TTC27: variants seen among roughly 807,000 people sequenced by gnomAD.
The protein encoded by TTC27 is tetratricopeptide repeat protein 27.
Under a neutral mutation model 115.9 loss-of-function variants are expected in TTC27, and 79 were observed. The ratio of observed to expected loss-of-function variants is 0.68; its 90% confidence interval spans 0.57 to 0.82. The LOEUF is 0.82. Among genes scored for constraint, TTC27 ranks in the 40% least tolerant of loss-of-function variants. TTC27 has a pLI of 0.00. For synonymous variants in TTC27, 401 were observed against 356.0 expected, an observed-to-expected ratio of 1.13 and a Z score of -1.42; for missense variants, 1,054 against 993.1, an observed-to-expected ratio of 1.06 and a Z score of -0.82.
chr2:32,742,364 A>G (rs1668674556), intron 12 of TTC27, among the ~76,000 whole-genome samples: 1 of 152,258 alleles, frequency 6.6e-6, no homozygotes, highest in Admixed American at 6.5e-5. Flanking sequence ...CAACTAATTG[A>G]ATAATAAAGC....
rs1558336534 is a variant in TTC27 at position 32,773,235 on chromosome 2, AC to A, written c.1681-4646del. The stretch of plus-strand genomic sequence containing the variant: ...GGCTGCATACAGCCAGCTTGCCTTC[AC>A]GATTTGCCCTGGAAATAAGCTCTGC... On this transcript the variant is annotated intron_variant, in intron 13 of 19. Coordinates refer to ENST00000317907, the MANE Select transcript of TTC27 (RefSeq NM_017735.5). Among the ~76,000 whole-genome samples, 30 of 152,316 alleles carry A rather than the reference AC, an allele frequency of 2.0e-4. 1 individual carries two copies. In the South Asian group the frequency reaches 6.2e-3, roughly 32 times the overall value.
chr2:32,776,209 T>C (rs1192678051), intron 13 of TTC27, among the ~76,000 whole-genome samples: 1 of 152,198 alleles, frequency 6.6e-6, no homozygotes, highest in Non-Finnish European at 1.5e-5. Flanking sequence ...TGTGAATTCA[T>C]GGCAAAGCGT....
intron 10 of TTC27, among the ~76,000 whole-genome samples, chr2:32,722,428 C>G (rs1667962131): frequency 6.6e-6 from 1 of 152,176 alleles, no homozygotes; most frequent in African/African-American, 2.4e-5. Flanking sequence ...ATTTAATTAA[C>G]TGTGTATTGT....
intron 13 of TTC27, among the ~76,000 whole-genome samples, chr2:32,760,535 A>G (rs541027200): frequency 1.2e-3 from 184 of 152,250 alleles, no homozygotes; most frequent in African/African-American, 4.3e-3. Context: ...CACTAGTGCC[A>G]TGGTTGAGAA....
rs576224251 is a variant in TTC27 at position 32,748,757 on chromosome 2, G to A, written c.1453-9535G>A. Among the ~76,000 whole-genome samples the A allele has an allele frequency of 1.3e-4, 20 of 148,878 alleles. No individual in the cohort carries two copies. The South Asian group carries it at 1.9e-3, about 14-fold the overall frequency. Reference sequence around the variant, plus strand: ...GGCTGGAGTGCAGTGGCGTGATCTCGGCTCACTGCAGCCTCTGCCTCCCAG... The same window carrying A: ...GGCTGGAGTGCAGTGGCGTGATCTCAGCTCACTGCAGCCTCTGCCTCCCAG... On this transcript the variant is annotated intron_variant, in intron 12 of 19. Transcript: ENST00000317907.
intron 16 of TTC27, among the ~76,000 whole-genome samples, chr2:32,795,219 T>G (rs1442977635): frequency 6.6e-6 from 1 of 151,672 alleles, no homozygotes; most frequent in South Asian, 2.1e-4. Context: ...AGCAAATTGA[T>G]TCACTAGCAT....
In TTC27 at chr2:32,811,112, A is replaced by G; in HGVS notation, c.2087A>G (p.Glu696Gly). 3 of 1,614,186 alleles carry G rather than the reference A, an allele frequency of 1.9e-6. No homozygotes were observed. The highest frequency in any genetic ancestry group is 2.5e-6 in the Non-Finnish European group (3 of 1,180,024). Residue 696 changes from glutamate to glycine, a missense_variant, in exon 17 of 20, where the codon GAG (glutamate) becomes GGG (glycine). Glu to Gly is a moderately conservative substitution (Grantham distance 98, BLOSUM62 -2). Coordinates refer to ENST00000317907, the MANE Select transcript of TTC27 (RefSeq NM_017735.5). The part of the protein sequence containing the change: ...VATGLKGKLQ[E>G]LFGRVTSRVT... Reference sequence around the variant, plus strand: ...ACTGGCCTCAAAGGAAAGCTGCAGGAGTTATTTGGCAGAGTGACTTCAAGA... The same window carrying G: ...ACTGGCCTCAAAGGAAAGCTGCAGGGGTTATTTGGCAGAGTGACTTCAAGA...
At chr2:32,724,489 T>C (rs536476624) in intron 10 of TTC27, among the ~76,000 whole-genome samples, 1 of 146,362 alleles carries the variant, frequency 6.8e-6, no homozygotes, top group African/African-American at 2.5e-5. Flanking sequence ...CACCACACAG[T>C]TTTTTTTTTT....
intron 13 of TTC27, among the ~76,000 whole-genome samples, chr2:32,775,230 C>A (rs548908869): frequency 7.0e-4 from 107 of 152,286 alleles, no homozygotes; most frequent in Admixed American, 1.2e-3. Flanking sequence ...CGGAGTCTCG[C>A]TCTGTCACCC....
chr2:32,716,218 C>A (rs1271359198), intron 10 of TTC27, among the ~76,000 whole-genome samples: 1 of 152,200 alleles, frequency 6.6e-6, no homozygotes, highest in African/African-American at 2.4e-5. Context: ...CATGCCAGTA[C>A]TTGTGAATCT....
chr2:32,741,667 A>AAAC (rs148675968), intron 12 of TTC27, among the ~76,000 whole-genome samples: 84,025 of 146,062 alleles, frequency 0.58, 23,578 homozygotes, highest in Non-Finnish European at 0.6. Flanking sequence ...ACAAAAAACA[A>AAAC]AACAACAACA....
At chr2:32,811,885 A>G (rs1000749714) in intron 17 of TTC27, among the ~76,000 whole-genome samples, 2 of 152,208 alleles carry the variant, frequency 1.3e-5, no homozygotes, top group African/African-American at 4.8e-5. Flanking sequence ...GCCACGGCAC[A>G]GCTAATCTGT....
intron 7 of TTC27, among the ~76,000 whole-genome samples, chr2:32,670,507 C>T (rs955452988): frequency 6.6e-5 from 10 of 152,008 alleles, no homozygotes; most frequent in Non-Finnish European, 1.0e-4. Context: ...TGTTGAAATA[C>T]CAATATGAAC....
chr2:32,717,943 T>C (rs1314085192), intron 10 of TTC27, among the ~76,000 whole-genome samples: 1 of 152,220 alleles, frequency 6.6e-6, no homozygotes, highest in Non-Finnish European at 1.5e-5. Flanking sequence ...GACAAGCTAC[T>C]GAACCTCTCT....
At chr2:32,787,194 A>G in intron 16 of TTC27, 45 bp downstream of exon 16, 1 of 1,565,822 alleles carries the variant, frequency 6.4e-7, no homozygotes, top group Non-Finnish European at 8.6e-7. Context: ...TTTGATACTA[A>G]TCCTTGATCA....
At chr2:32,701,788 A>G (rs1184512816) in intron 9 of TTC27, among the ~76,000 whole-genome samples, 1 of 152,042 alleles carries the variant, frequency 6.6e-6, no homozygotes, top group African/African-American at 2.4e-5. Context: ...CCTGGGGGGT[A>G]TTTTAAAAAA....
chr2:32,663,114 C>A (rs1247277533), intron 5 of TTC27, among the ~76,000 whole-genome samples: 1 of 152,146 alleles, frequency 6.6e-6, no homozygotes, highest in Non-Finnish European at 1.5e-5. Context: ...TGCTGGGCTT[C>A]ATGGGGGTGG....
Position 32,809,900 on chromosome 2 carries a change from C to T in TTC27, c.1999-1124C>T, listed in dbSNP as rs765374488. Among the ~76,000 whole-genome samples the T allele has an allele frequency of 9.2e-5, 14 of 152,122 alleles. No individual in the cohort carries two copies. The East Asian group carries it at 1.2e-3, about 13-fold the overall frequency. On this transcript the variant is annotated intron_variant, in intron 16 of 19. Transcript: ENST00000317907. Reference sequence around the variant, plus strand: ...TTGGGAGGCCAAGGCGGGTGGGTCACGAGGTCAGGAGTTCAAGACCAGCCT... The same window carrying T: ...TTGGGAGGCCAAGGCGGGTGGGTCATGAGGTCAGGAGTTCAAGACCAGCCT...
At chr2:32,671,859 G>A (rs1179264648) in intron 7 of TTC27, among the ~76,000 whole-genome samples, 1 of 152,180 alleles carries the variant, frequency 6.6e-6, no homozygotes, top group East Asian at 1.9e-4. Flanking sequence ...GAATCCTGAT[G>A]CTATCACATA....
Sources: allele counts gnomAD v4.1 joint callset (sites outside exome capture counted in the v4.1 genomes callset), GRCh38; gene constraint gnomAD v4.1.1; transcripts MANE v1.5; gene names NCBI Gene and HGNC (gene_info 2026-07-23, HGNC 2026-07-21).